The following KLHL6 variants were observed in gnomAD, a reference collection of about 807,000 sequenced individuals.
The protein encoded by KLHL6 is kelch-like protein 6.
In KLHL6, 41 loss-of-function variants were observed where a neutral mutation model predicts 58.6. The ratio of observed to expected loss-of-function variants is 0.70; its 90% CI spans 0.55 to 0.91. The LOEUF (loss-of-function observed/expected upper bound fraction) is 0.91, where lower values mean the gene tolerates loss of function less well. Among genes scored for constraint, KLHL6 ranks in the 40% least tolerant of loss-of-function variants. The pLI, the probability that KLHL6 is intolerant of heterozygous loss-of-function variation, is 0.00. For missense variants in KLHL6, 714 were observed against 805.6 expected, an observed-to-expected ratio of 0.89 and a Z score of 1.38; for synonymous variants, 338 against 322.7, an observed-to-expected ratio of 1.05 and a Z score of -0.51.
intron 2 of KLHL6, among the ~76,000 whole-genome samples, chr3:183,514,441 G>A (rs1711507274): frequency 6.6e-6 from 1 of 151,874 alleles, no homozygotes. Context: ...GCCATCTCTC[G>A]GCCTGAGCTG....
At chr3:183,514,095 G>A (rs866764009) in intron 2 of KLHL6, among the ~76,000 whole-genome samples, 1 of 152,212 alleles carries the variant, frequency 6.6e-6, no homozygotes, top group African/African-American at 2.4e-5. Flanking sequence ...TTATGTAGGA[G>A]GCTCCCAACT....
At chr3:183,551,336 T>A (rs1437863104) in intron 1 of KLHL6, among the ~76,000 whole-genome samples, 2 of 152,092 alleles carry the variant, frequency 1.3e-5, no homozygotes, top group Non-Finnish European at 2.9e-5. Flanking sequence ...TGTAACATGA[T>A]GCAAGGCAGG....
intron 2 of KLHL6, among the ~76,000 whole-genome samples, chr3:183,526,646 C>T (rs1359295272): frequency 6.6e-6 from 1 of 152,128 alleles, no homozygotes; most frequent in Non-Finnish European, 1.5e-5. Flanking sequence ...AAATCAACAA[C>T]AAATAAAGCT....
At chr3:183,518,236 C>T (rs1711625392) in intron 2 of KLHL6, among the ~76,000 whole-genome samples, 1 of 152,118 alleles carries the variant, frequency 6.6e-6, no homozygotes, top group Non-Finnish European at 1.5e-5. Flanking sequence ...ACTTGATGAG[C>T]TGAACACTCT....
chr3:183,508,559 A>G (rs1023830723), intron 2 of KLHL6, 51 bp from the exon 3 acceptor site: 16 of 1,547,594 alleles, frequency 1.0e-5, no homozygotes, highest in Non-Finnish European at 1.4e-5. Flanking sequence ...TGAGTCCACA[A>G]GGAGGTTTAT....
At chr3:183,534,131 T>TTAAA (rs10663153) in intron 1 of KLHL6, among the ~76,000 whole-genome samples, 1 of 28,684 alleles carries the variant, frequency 3.5e-5, no homozygotes, top group African/African-American at 8.7e-5. Flanking sequence ...TAAAGTACTT[T>TTAAA]GTACTTTTAA....
intron 2 of KLHL6, among the ~76,000 whole-genome samples, chr3:183,518,843 C>T (rs1291660109): frequency 6.6e-6 from 1 of 152,094 alleles, no homozygotes; most frequent in Non-Finnish European, 1.5e-5. Flanking sequence ...CAGCTTTTCC[C>T]ACCCTGGAGG....
intron 1 of KLHL6, among the ~76,000 whole-genome samples, chr3:183,543,801 G>T (rs1324549634): frequency 1.3e-5 from 2 of 152,170 alleles, no homozygotes; most frequent in African/African-American, 4.8e-5. Flanking sequence ...ATTTATTGTA[G>T]ATCCCAGAGC....
chr3:183,552,294 G>A (rs933571888), intron 1 of KLHL6: 2 of 152,202 alleles, frequency 1.3e-5, no homozygotes, highest in African/African-American at 4.8e-5. Context: ...CTGTCCGTAG[G>A]GGACTGTTTA....
At chr3:183,531,909 T>C (rs1056670254) in intron 1 of KLHL6, among the ~76,000 whole-genome samples, 31 of 152,358 alleles carry the variant, frequency 2.0e-4, no homozygotes, top group African/African-American at 7.5e-4. Context: ...ATATGTGATT[T>C]AGATGATATT....
Position 183,528,043 on chromosome 3 carries a change from C to G in KLHL6, c.294-33G>C. ...AGAAATGTGTGAATGTGAATCGTGC[C>G]GAGACCCTTGGTTCCAGGCCTAAAG... is the stretch of plus-strand genomic sequence containing the variant. On this transcript the variant is annotated intron_variant, in intron 1 of 6. Transcript: ENST00000341319. The G allele has an allele frequency of 2.5e-6, 4 of 1,612,720 alleles. No individual in the cohort carries two copies. In the South Asian group the frequency reaches 4.4e-5, roughly 18 times the overall value.
Position 183,508,413 on chromosome 3 carries a change from C to A in KLHL6, c.555G>T (p.Ser185=). 1 of 1,614,178 alleles carries A rather than the reference C, an allele frequency of 6.2e-7. No homozygotes were observed. Among genetic ancestry groups the A allele is most frequent in the Non-Finnish European group, 8.5e-7 (1 of 1,180,032 alleles). ...GAACCTGCTTCTTTAGACTGTCCAG[C>A]GAGTGTGTGTCAGCCAGCCTCAGTA... is the stretch of plus-strand genomic sequence containing the variant. The part of the protein sequence containing the change: ...VGILRLADTH[S]LDSLKKQVQS... The change falls in exon 3 of 7, where the codon TCG becomes TCT. Residue 185 remains serine, a synonymous_variant. Coordinates refer to ENST00000341319, the MANE Select transcript of KLHL6 (RefSeq NM_130446.4).
chr3:183,494,210 A>C lies in KLHL6; in HGVS notation c.1219T>G (p.Leu407Val), dbSNP rs1442858091. The part of the protein sequence containing the change: ...SINKWIQIEY[L>V]NIGRWRHKMV... ...TTATGCCTCCAGCGGCCTATGTTTA[A>C]ATACTCAATCTGAATCCACTTGTTG... The change falls in exon 5 of 7, where the codon TTA (leucine) becomes GTA (valine). Residue 407 changes from leucine (L) to valine (V), a missense_variant. Physicochemically the swap from Leu to Val is conservative, Grantham distance 32. Around this residue, in one of 2 missense-constraint regions of KLHL6, gnomAD observed 510 missense variants for 629.7 expected, o/e 0.81. Coordinates refer to ENST00000341319, the MANE Select transcript of KLHL6 (RefSeq NM_130446.4). 1 of 1,614,122 alleles carries C rather than the reference A, an allele frequency of 6.2e-7. No individual in the cohort carries two copies. The highest frequency in any genetic ancestry group is 8.5e-7 in the Non-Finnish European group (1 of 1,179,972).
chr3:183,503,839 TA>T (rs1717933592), intron 3 of KLHL6, among the ~76,000 whole-genome samples: 1 of 152,078 alleles, frequency 6.6e-6, no homozygotes, highest in South Asian at 2.1e-4. Flanking sequence ...ACAAGAGGGT[TA>T]AAGTTTGGTA....
chr3:183,504,475 A>C (rs1237888073), intron 3 of KLHL6, among the ~76,000 whole-genome samples: 1 of 152,168 alleles, frequency 6.6e-6, no homozygotes, highest in Non-Finnish European at 1.5e-5. Context: ...AAAGCTTATA[A>C]TGTCTGACTC....
At chr3:183,533,479 C>T (rs1282287656) in intron 1 of KLHL6, among the ~76,000 whole-genome samples, 2 of 151,566 alleles carry the variant, frequency 1.3e-5, no homozygotes, top group Non-Finnish European at 2.9e-5. Context: ...CTCTGTTGCC[C>T]AGGCTGGTGG....
At chr3:183,504,805 C>A (rs545396053) in intron 3 of KLHL6, among the ~76,000 whole-genome samples, 1 of 152,252 alleles carries the variant, frequency 6.6e-6, no homozygotes, top group African/African-American at 2.4e-5. Flanking sequence ...ATGATGAAAT[C>A]ATACATAAGC....
At chr3:183,554,835 C>G (rs1283923572) in intron 1 of KLHL6, among the ~76,000 whole-genome samples, 2 of 152,076 alleles carry the variant, frequency 1.3e-5, no homozygotes, top group Non-Finnish European at 2.9e-5. Flanking sequence ...TAAATGATGC[C>G]AATCTCTCTT....
chr3:183,499,676 G>C lies in KLHL6; in HGVS notation c.1061C>G (p.Pro354Arg). The C allele has an allele frequency of 1.2e-6, 2 of 1,611,660 alleles. No homozygotes were observed. The highest frequency in any genetic ancestry group is 1.7e-6 in the Non-Finnish European group (2 of 1,179,028). The change falls in exon 4 of 7, where the codon CCG becomes CGG. Residue 354 changes from proline to arginine, a missense_variant. Physicochemically the swap from Pro to Arg is moderately radical, Grantham distance 103. Transcript: ENST00000341319. This position sits in a 1 kb window ranked among gnomAD's most constrained non-coding sequence, Gnocchi z 4.6. ...RRSRLEVAKL[P>R]LTEHELESEN... The stretch of plus-strand genomic sequence containing the variant: ...ACTCTCCAGCTCATGCTCTGTTAGC[G>C]GGAGCTTGGCCACCTCCAGGCGGCT...
Sources: allele counts gnomAD v4.1 joint callset (sites outside exome capture counted in the v4.1 genomes callset), GRCh38; gene constraint gnomAD v4.1.1; regional missense constraint gnomAD v4.1.1; non-coding constraint Gnocchi (gnomAD v3.1); transcripts MANE v1.5; gene names NCBI Gene and HGNC (gene_info 2026-07-23, HGNC 2026-07-21).